Variants in RFX7 observed in about 807,000 individuals in gnomAD.
RFX7 encodes the protein regulatory factor X7.
A neutral mutation model predicts 111.8 loss-of-function variants in RFX7; 26 were observed. The observed-to-expected ratio is 0.23, with a 90% CI of 0.17 to 0.32. The LOEUF (loss-of-function observed/expected upper bound fraction) is 0.32, where lower values mean the gene tolerates loss of function less well. Among genes scored for constraint, RFX7 ranks in the 10% least tolerant of loss-of-function variants. The pLI, the probability that RFX7 is intolerant of heterozygous loss-of-function variation, is 1.00. For synonymous variants in RFX7, 624 were observed against 624.4 expected (o/e 1.00, Z 0.01); for missense variants, 1,573 against 1,772.9 (o/e 0.89, Z 2.02).
intron 2 of RFX7, among the ~76,000 whole-genome samples, chr15:56,190,738 C>G (rs142895534): frequency 2.6e-4 from 39 of 152,308 alleles, no homozygotes; most frequent in African/African-American, 8.4e-4. Context: ...AGCTTCCTAT[C>G]AACTTTTTGT....
At chr15:56,109,220 A>T (rs1050312389) in intron 5 of RFX7, among the ~76,000 whole-genome samples, 1 of 152,084 alleles carries the variant, frequency 6.6e-6, no homozygotes, top group Non-Finnish European at 1.5e-5. Context: ...TGGTTTTCGT[A>T]TTTTTTGGGT....
At chr15:56,159,367 T>G (rs1595976563) in intron 3 of RFX7, among the ~76,000 whole-genome samples, 1 of 152,190 alleles carries the variant, frequency 6.6e-6, no homozygotes, top group East Asian at 1.9e-4. Flanking sequence ...CTCCACTAAC[T>G]TGGTTGGAAT....
chr15:56,131,423 T>C (rs2042216550), intron 5 of RFX7, among the ~76,000 whole-genome samples: 1 of 152,128 alleles, frequency 6.6e-6, no homozygotes, highest in East Asian at 1.9e-4. Flanking sequence ...CATGCCACCA[T>C]GCCCAGCTAA....
intron 5 of RFX7, among the ~76,000 whole-genome samples, chr15:56,127,364 A>T (rs545227691): frequency 1.7e-4 from 26 of 151,564 alleles, no homozygotes; most frequent in Non-Finnish European, 3.7e-4. Flanking sequence ...GCCTACATTA[A>T]AAAAGAAGAA....
chr15:56,103,522 G>T, intron 6 of RFX7, 32 bp downstream of exon 6: 1 of 1,362,536 alleles, frequency 7.3e-7, no homozygotes, highest in Non-Finnish European at 1.0e-6. Flanking sequence ...AGAACACAGA[G>T]ATATTACTAA....
chr15:56,195,816 A>G (rs1444179027), intron 2 of RFX7, among the ~76,000 whole-genome samples: 1 of 152,200 alleles, frequency 6.6e-6, no homozygotes, highest in East Asian at 1.9e-4. Context: ...GAACAAAATG[A>G]CATATGCTAT....
At chr15:56,165,649 T>G (rs1191492144) in intron 3 of RFX7, among the ~76,000 whole-genome samples, 2 of 152,166 alleles carry the variant, frequency 1.3e-5, no homozygotes, top group African/African-American at 4.8e-5. Context: ...TACTTGGCCT[T>G]CCAGGTGCTG....
At chr15:56,113,819 G>T (rs1306191615) in intron 5 of RFX7, among the ~76,000 whole-genome samples, 3 of 152,026 alleles carry the variant, frequency 2.0e-5, no homozygotes, top group East Asian at 3.9e-4. Context: ...TGTTATTTTA[G>T]TGAGTCTTAG....
chr15:56,175,207 C>T (rs774488244), intron 3 of RFX7, among the ~76,000 whole-genome samples: 2 of 152,014 alleles, frequency 1.3e-5, no homozygotes, highest in Non-Finnish European at 2.9e-5. Context: ...CATCTAAAAA[C>T]TTTTAGTTTT....
chr15:56,116,789 TAGC>T (rs1238494642), intron 5 of RFX7, among the ~76,000 whole-genome samples: 1 of 151,348 alleles, frequency 6.6e-6, no homozygotes, highest in Non-Finnish European at 1.5e-5. Flanking sequence ...GGATACTACA[TAGC>T]AGTGTGAATG....
chr15:56,211,292 C>A (rs1188522349), intron 2 of RFX7, among the ~76,000 whole-genome samples: 1 of 151,900 alleles, frequency 6.6e-6, no homozygotes, highest in Non-Finnish European at 1.5e-5. Context: ...AAAGGCAATA[C>A]AACAAAGAAA....
intron 5 of RFX7, among the ~76,000 whole-genome samples, chr15:56,119,350 T>C (rs151088313): frequency 3.8e-4 from 58 of 152,354 alleles, no homozygotes; most frequent in African/African-American, 1.4e-3. Context: ...TCCACTTTGA[T>C]ATCATTTTAG....
At chr15:56,178,482 C>G (rs541461526) in intron 3 of RFX7, among the ~76,000 whole-genome samples, 1 of 152,130 alleles carries the variant, frequency 6.6e-6, no homozygotes, top group Non-Finnish European at 1.5e-5. Context: ...AAGACCCAAA[C>G]TTGGATAAGA....
chr15:56,231,003 T>C (rs1044100167), intron 2 of RFX7, among the ~76,000 whole-genome samples: 18 of 152,106 alleles, frequency 1.2e-4, no homozygotes, highest in African/African-American at 3.9e-4. Flanking sequence ...TGTAATTAAA[T>C]AGGGTTTGGA....
At chr15:56,134,625 T>C (rs1199665045) in intron 5 of RFX7, among the ~76,000 whole-genome samples, 9 of 150,918 alleles carry the variant, frequency 6.0e-5, no homozygotes, top group African/African-American at 1.5e-4. Flanking sequence ...TTTCTTTTTT[T>C]TTTTTTATTA....
intron 5 of RFX7, among the ~76,000 whole-genome samples, chr15:56,132,943 A>C (rs1463778804): frequency 6.6e-6 from 1 of 152,130 alleles, no homozygotes. Context: ...AACTGCATAA[A>C]CAGTGGGGCC....
chr15:56,125,610 A>AGTGTGAGT (rs2042133409), intron 5 of RFX7, among the ~76,000 whole-genome samples: 1 of 146,954 alleles, frequency 6.8e-6, no homozygotes, highest in African/African-American at 2.5e-5. Context: ...TGTGTGTGTG[A>AGTGTGAGT]GTGTGTGTGT....
At position 56,185,437 on chromosome 15, in the gene RFX7, T is replaced by C. The variant is rs548663927; in HGVS notation, c.162-6134A>G. Among the ~76,000 whole-genome samples the C allele has an allele frequency of 3.9e-5, 6 of 152,318 alleles. No individual in the cohort carries two copies. In the South Asian group the frequency reaches 6.2e-4, roughly 16 times the overall value. ...ATTTAATCAAGTTTATTAATTATGCTGTTTAAATAATTCATTGCCATTTTA... is the reference window on the plus strand; with the variant it reads ...ATTTAATCAAGTTTATTAATTATGCCGTTTAAATAATTCATTGCCATTTTA... On this transcript the variant is annotated intron_variant, in intron 2 of 9. Coordinates refer to ENST00000559447, the MANE Select transcript of RFX7 (RefSeq NM_022841.7).
intron 2 of RFX7, among the ~76,000 whole-genome samples, chr15:56,183,080 T>A (rs1275605527): frequency 6.6e-6 from 1 of 152,094 alleles, no homozygotes. Context: ...TTTTAAAAAA[T>A]TGTCTTTTCC....
Sources: gnomAD v4.1 joint callset for allele counts (sites outside exome capture counted in the v4.1 genomes callset) on GRCh38, gnomAD v4.1.1 for gene constraint, MANE v1.5 for transcripts, NCBI Gene and HGNC (gene_info 2026-07-23, HGNC 2026-07-21) for gene names.